The following UBR1 variants were observed in gnomAD, a reference collection of about 807,000 sequenced individuals.
The protein encoded by UBR1 is ubiquitin protein ligase E3 component n-recognin 1.
A neutral mutation model predicts 242.1 loss-of-function variants in UBR1; 102 were observed. The observed-to-expected ratio is 0.42, with a 90% CI of 0.36 to 0.50. UBR1 has a LOEUF of 0.50. Among genes scored for constraint, UBR1 ranks in the 20% least tolerant of loss-of-function variants. The probability of loss-of-function intolerance (pLI) is 0.01; values close to 1 mark genes in which losing one functional copy is unlikely to be tolerated. For synonymous variants in UBR1, 675 were observed against 684.8 expected, an observed-to-expected ratio of 0.99 and a Z score of 0.22; for missense variants, 1,772 against 2,101.8, an observed-to-expected ratio of 0.84 and a Z score of 3.07.
intron 15 of UBR1, among the ~76,000 whole-genome samples, chr15:43,039,065 ATT>A (rs2033381312): frequency 6.6e-6 from 1 of 151,504 alleles, no homozygotes. Flanking sequence ...AAAAATTTTT[ATT>A]TTTATTAAAA....
At chr15:43,058,254 T>C (rs1567139109) in intron 10 of UBR1, 87 bp downstream of exon 10, 1 of 966,744 alleles carries the variant, frequency 1.0e-6, no homozygotes, top group Non-Finnish European at 1.6e-6. Flanking sequence ...CATTTAATTT[T>C]TGATTCATAA....
chr15:43,090,283 A>ATCCT (rs2034091609), intron 1 of UBR1, among the ~76,000 whole-genome samples: 1 of 152,190 alleles, frequency 6.6e-6, no homozygotes, highest in Admixed American at 6.5e-5. Flanking sequence ...ATAGAGAAAA[A>ATCCT]TCATGACGAC....
intron 30 of UBR1, among the ~76,000 whole-genome samples, chr15:43,005,490 C>A (rs1338683567): frequency 6.6e-6 from 1 of 151,540 alleles, no homozygotes; most frequent in Non-Finnish European, 1.5e-5. Flanking sequence ...CCCTGCCCAG[C>A]CAGCCGCTCC....
intron 1 of UBR1, among the ~76,000 whole-genome samples, chr15:43,086,990 C>T (rs1433814138): frequency 6.6e-6 from 1 of 152,146 alleles, no homozygotes; most frequent in Admixed American, 6.6e-5. Flanking sequence ...GCCTCGACAA[C>T]ACATAGGGAG....
rs1350604514 is a variant in UBR1, at chr15:43,047,156, C to T, written c.1668+5G>A. 1 of 1,614,040 alleles carries T rather than the reference C, an allele frequency of 6.2e-7. No individual in the cohort carries two copies. Among genetic ancestry groups the T allele is most frequent in the Non-Finnish European group, 8.5e-7 (1 of 1,179,976 alleles). The stretch of plus-strand genomic sequence containing the variant: ...GCACTGATCCTACTAACAAATTTTA[C>T]TTACATCACAAGCACACCACTCTTG... On this transcript the variant is annotated splice_donor_5th_base_variant and intron_variant, in intron 14 of 46. Transcript: ENST00000290650.
At chr15:43,058,709 C>T (rs952229335) in intron 9 of UBR1, among the ~76,000 whole-genome samples, 23 of 152,212 alleles carry the variant, frequency 1.5e-4, no homozygotes, top group Admixed American at 3.9e-4. Context: ...CTGTACTTTT[C>T]CTTCTCCATG....
intron 26 of UBR1, among the ~76,000 whole-genome samples, chr15:43,021,865 T>C (rs1003976699): frequency 2.6e-5 from 4 of 152,206 alleles, no homozygotes; most frequent in Admixed American, 1.3e-4. Flanking sequence ...AATTATTCAA[T>C]GGACAAATCT....
Position 43,082,637 on chromosome 15 carries a change from C to T in UBR1, c.417+1G>A. 2 of 1,613,062 alleles carry T rather than the reference C, an allele frequency of 1.2e-6. No individual in the cohort carries two copies. The highest frequency in any genetic ancestry group is 1.7e-6 in the Non-Finnish European group (2 of 1,179,220). The stretch of plus-strand genomic sequence containing the variant: ...CAGAGGTTATGGTTATATTTTCTTA[C>T]CTTGTAACGATGATTTTTATGAACA... On this transcript the variant is annotated splice_donor_variant, in intron 3 of 46. Transcript: ENST00000290650. LOFTEE classifies it high-confidence loss of function.
chr15:42,961,423 CT>C lies in UBR1; in HGVS notation c.4701-723del, dbSNP rs766721149. On this transcript the variant is annotated intron_variant, in intron 42 of 46. Coordinates refer to ENST00000290650, the MANE Select transcript of UBR1 (RefSeq NM_174916.3). ...AGCCACTGTGCTGGCCTATGTTCCTCTTTTTTTTTTTTTTTTTTTAGATGGA... is the reference window on the plus strand; with the variant it reads ...AGCCACTGTGCTGGCCTATGTTCCTCTTTTTTTTTTTTTTTTTTAGATGGA... Among the ~76,000 whole-genome samples the C allele has an allele frequency of 3.1e-3, 415 of 131,882 alleles. 1 individual carries two copies. The highest frequency in any genetic ancestry group is 0.02 in the East Asian group (90 of 4,550). 86.5% of individuals were successfully genotyped at this position (131,882 alleles called of 152,430 possible). A position where few individuals can be genotyped will look rare whatever the true frequency, so the allele number is the denominator to read the frequency against.
In UBR1 at chr15:42,988,844, G is replaced by C. The variant is rs1307816909; in HGVS notation, c.3972C>G (p.Thr1324=). 6.2e-7 allele frequency: 1 copy of C among 1,614,178 alleles called. No homozygotes were observed. The change falls in exon 35 of 47, where the codon ACC becomes ACG. Residue 1324 remains threonine, a synonymous_variant. Coordinates refer to ENST00000290650, the MANE Select transcript of UBR1 (RefSeq NM_174916.3). The part of the protein sequence containing the change: ...DPRVPMLTWS[T]CAFTIQAIEN... ...CAATTGCCTGGATAGTGAAAGCGCA[G>C]GTGCTCCAGGTCAGCATGGGGACTC...
chr15:43,046,879 T>C (rs937879050), intron 14 of UBR1, among the ~76,000 whole-genome samples: 62 of 152,158 alleles, frequency 4.1e-4, no homozygotes, highest in African/African-American at 1.4e-3. Flanking sequence ...CATTATATTA[T>C]TATTAATATG....
At chr15:43,017,329 T>C in intron 27 of UBR1, 148 bp from the exon 28 acceptor site, 1 of 657,150 alleles carries the variant, frequency 1.5e-6, no homozygotes, top group Middle Eastern at 4.1e-4. Flanking sequence ...AAAGTGACTC[T>C]GACTGTGACA....
At chr15:42,950,227 A>T in intron 46 of UBR1, 35 bp downstream of exon 46, 1 of 1,526,990 alleles carries the variant, frequency 6.5e-7, no homozygotes, top group Non-Finnish European at 9.1e-7. Context: ...AAGAGAACTT[A>T]CTGAAACCTT....
chr15:42,987,926 A>T (rs1477105777), intron 35 of UBR1, among the ~76,000 whole-genome samples: 1 of 152,156 alleles, frequency 6.6e-6, no homozygotes, highest in Admixed American at 6.5e-5. Context: ...TCCATGTAAT[A>T]TTGCACCTTG....
chr15:42,995,557 A>G (rs1298188848), intron 33 of UBR1, among the ~76,000 whole-genome samples: 1 of 152,046 alleles, frequency 6.6e-6, no homozygotes, highest in East Asian at 1.9e-4. Context: ...AGTCCCAGCT[A>G]CTCGAGAGGT....
At chr15:43,007,377 TAAGA>T in intron 29 of UBR1, 93 bp from the exon 30 acceptor site, 1 of 1,037,810 alleles carries the variant, frequency 9.6e-7, no homozygotes, top group South Asian at 1.4e-5. Context: ...GCAAGAAATA[TAAGA>T]AAGATAATAA....
At position 43,070,829 on chromosome 15, in the gene UBR1, C is replaced by T. The variant is rs1246127178; in HGVS notation, c.625G>A (p.Glu209Lys). The part of the protein sequence containing the change: ...KYVVEMTIWE[E>K]EKELPPELQI... ...AGTTCAGGAGGCAGTTCTTTTTCCT[C>T]TTCCCATATAGTCATTTCTACGACA... The change falls in exon 5 of 47, where the codon GAG becomes AAG. Residue 209 changes from glutamate to lysine, a missense_variant. By Grantham distance (56) the Glu-to-Lys change is moderately conservative. Coordinates refer to ENST00000290650, the MANE Select transcript of UBR1 (RefSeq NM_174916.3). 6.2e-7 allele frequency: 1 copy of T among 1,613,732 alleles called. No homozygotes were observed. Among genetic ancestry groups the T allele is most frequent in the African/African-American group, 1.3e-5 (1 of 75,048 alleles).
intron 33 of UBR1, among the ~76,000 whole-genome samples, chr15:42,991,777 G>T (rs2032560973): frequency 6.6e-6 from 1 of 151,846 alleles, no homozygotes; most frequent in Non-Finnish European, 1.5e-5. Flanking sequence ...GCCTTGCTGT[G>T]TTGCCCAGGC....
intron 40 of UBR1, among the ~76,000 whole-genome samples, chr15:42,968,677 C>G (rs2032152524): frequency 1.3e-5 from 2 of 152,100 alleles, no homozygotes; most frequent in Non-Finnish European, 2.9e-5. Context: ...CCCTTTTCCC[C>G]CAGCCCCTGA....
Sources: gnomAD v4.1 joint callset for allele counts (sites outside exome capture counted in the v4.1 genomes callset) on GRCh38, gnomAD v4.1.1 for gene constraint, MANE v1.5 for transcripts, NCBI Gene and HGNC (gene_info 2026-07-23, HGNC 2026-07-21) for gene names.